The following HEMK2 variants were observed in gnomAD, a reference collection of about 807,000 sequenced individuals.
HEMK2 encodes the protein methyltransferase HEMK2.
At chr21:28,675,284 A>T in the HEMK2 span, among the ~76,000 whole-genome samples, 1 of 152,240 alleles carries the variant, frequency 6.6e-6, no homozygotes, top group Non-Finnish European at 1.5e-5. Flanking sequence ...ATGATAATAA[A>T]AATGAAAAAT....
At chr21:28,590,649 A>G in the HEMK2 span, among the ~76,000 whole-genome samples, 1 of 152,226 alleles carries the variant, frequency 6.6e-6, no homozygotes, top group African/African-American at 2.4e-5. Flanking sequence ...GTGGTGATAA[A>G]GCATCTGCCA....
At chr21:28,701,461 A>C in the HEMK2 span, among the ~76,000 whole-genome samples, 1 of 152,010 alleles carries the variant, frequency 6.6e-6, no homozygotes, top group Non-Finnish European at 1.5e-5. Flanking sequence ...ATACAAAATT[A>C]ATGTACAAAA....
At chr21:28,653,122 C>A in the HEMK2 span, among the ~76,000 whole-genome samples, 2 of 151,948 alleles carry the variant, frequency 1.3e-5, no homozygotes, top group Admixed American at 1.3e-4. Flanking sequence ...GTGAGTTAGC[C>A]CTGCTCCACA....
At chr21:28,740,619 G>T in the HEMK2 span, among the ~76,000 whole-genome samples, 3 of 152,176 alleles carry the variant, frequency 2.0e-5, no homozygotes, top group African/African-American at 7.2e-5. Context: ...CAACTACAGT[G>T]TTTTCATAAG....
the HEMK2 span, among the ~76,000 whole-genome samples, chr21:28,643,693 C>T: frequency 6.6e-6 from 1 of 152,124 alleles, no homozygotes; most frequent in Non-Finnish European, 1.5e-5. Context: ...TACCAGACAC[C>T]TATGCTGCAG....
the HEMK2 span, among the ~76,000 whole-genome samples, chr21:28,775,462 T>C: frequency 6.6e-6 from 1 of 152,136 alleles, no homozygotes; most frequent in Non-Finnish European, 1.5e-5. Flanking sequence ...CATAAAATAT[T>C]GAAATATACA....
chr21:28,671,728 C>T, the HEMK2 span, among the ~76,000 whole-genome samples: 1 of 152,128 alleles, frequency 6.6e-6, no homozygotes, highest in Admixed American at 6.6e-5. Context: ...CCATAAATCT[C>T]GTTTACACCC....
chr21:28,722,125 T>C, the HEMK2 span, among the ~76,000 whole-genome samples: 1 of 151,954 alleles, frequency 6.6e-6, no homozygotes, highest in African/African-American at 2.4e-5. Context: ...AATGTGAGGA[T>C]ATTGTGTTGT....
At chr21:28,693,482 C>T in the HEMK2 span, among the ~76,000 whole-genome samples, 24 of 152,090 alleles carry the variant, frequency 1.6e-4, no homozygotes, top group African/African-American at 5.8e-4. Flanking sequence ...TCTGCCAAGC[C>T]CCCAAAAGAA....
the HEMK2 span, among the ~76,000 whole-genome samples, chr21:28,723,690 C>T: frequency 6.6e-6 from 1 of 152,150 alleles, no homozygotes; most frequent in Non-Finnish European, 1.5e-5. Context: ...GATAATCATC[C>T]CCGCCTCATG....
At chr21:28,663,040 C>T in the HEMK2 span, among the ~76,000 whole-genome samples, 1 of 152,002 alleles carries the variant, frequency 6.6e-6, no homozygotes, top group Non-Finnish European at 1.5e-5. Flanking sequence ...GTTTCAACTT[C>T]AGTGGGAGAT....
chr21:28,723,213 G>A, the HEMK2 span, among the ~76,000 whole-genome samples: 1 of 152,030 alleles, frequency 6.6e-6, no homozygotes. Context: ...ACAGAGTCTT[G>A]TTATGTTGCC....
At chr21:28,863,274 T>C in the HEMK2 span, among the ~76,000 whole-genome samples, 1,101 of 151,576 alleles carry the variant, frequency 7.3e-3, 19 homozygotes, top group African/African-American at 0.025. Flanking sequence ...CCATGCTGGA[T>C]GCTTCCTGCC....
chr21:28,861,573 C>T, the HEMK2 span, among the ~76,000 whole-genome samples: 1 of 152,208 alleles, frequency 6.6e-6, no homozygotes, highest in Non-Finnish European at 1.5e-5. Context: ...CAGTGATTCT[C>T]CCATCCTTCC....
At chr21:28,786,034 C>A in the HEMK2 span, among the ~76,000 whole-genome samples, 1 of 152,212 alleles carries the variant, frequency 6.6e-6, no homozygotes, top group Non-Finnish European at 1.5e-5. Flanking sequence ...CTCTAGACAA[C>A]AAATTCATTA....
chr21:28,729,900 T>A, the HEMK2 span, among the ~76,000 whole-genome samples: 2 of 152,098 alleles, frequency 1.3e-5, no homozygotes, highest in Non-Finnish European at 2.9e-5. Context: ...TGGGAAATAA[T>A]GCAAAACACA....
chr21:28,706,076 A>G, the HEMK2 span, among the ~76,000 whole-genome samples: 1 of 152,220 alleles, frequency 6.6e-6, no homozygotes, highest in African/African-American at 2.4e-5. Flanking sequence ...GGATGTAGAC[A>G]TCTTTGAAGT....
chr21:28,707,699 C>T, the HEMK2 span, among the ~76,000 whole-genome samples: 1 of 151,780 alleles, frequency 6.6e-6, no homozygotes, highest in Non-Finnish European at 1.5e-5. Context: ...TATATATAAA[C>T]ACACACACAC....
At chr21:28,804,677 A>G in the HEMK2 span, among the ~76,000 whole-genome samples, 7 of 152,228 alleles carry the variant, frequency 4.6e-5, no homozygotes, top group African/African-American at 1.7e-4. Context: ...TAAAGAGACA[A>G]TGGCACTTGG....
Sources: gnomAD v4.1 joint callset for allele counts (sites outside exome capture counted in the v4.1 genomes callset) on GRCh38, gnomAD v4.1.1 for gene constraint, MANE v1.5 for transcripts, NCBI Gene and HGNC (gene_info 2026-07-23, HGNC 2026-07-21) for gene names.